The following ANKS1B variants were observed in gnomAD, a reference collection of about 807,000 sequenced individuals.
ANKS1B encodes ankyrin repeat and sterile alpha motif domain containing 1B.
ANKS1B carries 36 observed loss-of-function variants against 148.3 expected under a neutral mutation model. The observed-to-expected ratio is 0.24, with a 90% confidence interval of 0.19 to 0.32. ANKS1B has a LOEUF of 0.32. Among genes scored for constraint, ANKS1B ranks in the 10% least tolerant of loss-of-function variants. The pLI is 1.00. For missense variants in ANKS1B, 1,157 were observed against 1,542.6 expected (o/e 0.75, Z 4.19); for synonymous variants, 542 against 560.8 (o/e 0.97, Z 0.47).
chr12:99,423,195 G>C (rs539209555), intron 11 of ANKS1B, among the ~76,000 whole-genome samples: 1 of 151,504 alleles, frequency 6.6e-6, no homozygotes, highest in African/African-American at 2.4e-5. Flanking sequence ...AAGAGATTGA[G>C]AACTATGAAT....
intron 25 of ANKS1B, among the ~76,000 whole-genome samples, chr12:98,768,885 G>A (rs1056384389): frequency 2.0e-5 from 3 of 151,530 alleles, no homozygotes; most frequent in African/African-American, 7.3e-5. Context: ...CTTCTGTAGG[G>A]GGGGCTCCAG....
intron 8 of ANKS1B, among the ~76,000 whole-genome samples, chr12:99,727,423 A>G (rs1274068600): frequency 6.6e-6 from 1 of 152,144 alleles, no homozygotes; most frequent in African/African-American, 2.4e-5. Context: ...CTAGGAATAC[A>G]GCTAACAAGG....
chr12:98,965,003 GATGC>G (rs1467575382), intron 17 of ANKS1B, among the ~76,000 whole-genome samples: 1 of 152,026 alleles, frequency 6.6e-6, no homozygotes, highest in Admixed American at 6.5e-5. Flanking sequence ...TACTTGAGGT[GATGC>G]ATACCCATTT....
intron 1 of ANKS1B, among the ~76,000 whole-genome samples, chr12:99,961,689 A>G (rs1028151171): frequency 2.0e-5 from 3 of 152,236 alleles, no homozygotes; most frequent in African/African-American, 7.2e-5. Flanking sequence ...AACTCCTTTC[A>G]TCAGTGAGAT....
At chr12:98,901,597 T>C (rs1403088004) in intron 17 of ANKS1B, among the ~76,000 whole-genome samples, 2 of 152,232 alleles carry the variant, frequency 1.3e-5, no homozygotes, top group Non-Finnish European at 2.9e-5. Flanking sequence ...CCTCCCAATA[T>C]GTAGAGAGCA....
intron 10 of ANKS1B, among the ~76,000 whole-genome samples, chr12:99,480,683 TTAA>T (rs966004069): frequency 6.6e-6 from 1 of 151,882 alleles, no homozygotes; most frequent in East Asian, 1.9e-4. Flanking sequence ...AAACATGTTC[TTAA>T]TAAGTTACAT....
intron 15 of ANKS1B, among the ~76,000 whole-genome samples, chr12:99,113,952 G>A (rs17029077): frequency 6.6e-6 from 1 of 152,018 alleles, no homozygotes; most frequent in Non-Finnish European, 1.5e-5. Flanking sequence ...ATATACTCTA[G>A]GTTTTAGCTT....
At chr12:99,816,616 T>C (rs1269725719) in intron 2 of ANKS1B, among the ~76,000 whole-genome samples, 1 of 151,796 alleles carries the variant, frequency 6.6e-6, no homozygotes, top group African/African-American at 2.4e-5. Flanking sequence ...AGCTAATGAA[T>C]TGGTTGAGCT....
chr12:99,531,347 T>C (rs569327103), intron 9 of ANKS1B, among the ~76,000 whole-genome samples: 1 of 152,238 alleles, frequency 6.6e-6, no homozygotes, highest in Non-Finnish European at 1.5e-5. Flanking sequence ...CATGGATAAA[T>C]TATAGGAACC....
chr12:98,914,255 T>C (rs1056150565), intron 17 of ANKS1B, among the ~76,000 whole-genome samples: 1 of 152,072 alleles, frequency 6.6e-6, no homozygotes, highest in Non-Finnish European at 1.5e-5. Flanking sequence ...CCTTGTCACC[T>C]TTTCAGCCAT....
At chr12:99,149,051 C>A (rs923430040) in intron 15 of ANKS1B, among the ~76,000 whole-genome samples, 2 of 150,846 alleles carry the variant, frequency 1.3e-5, no homozygotes, top group Non-Finnish European at 2.9e-5. Context: ...AATATTGGAA[C>A]AAGAAATTAT....
intron 17 of ANKS1B, among the ~76,000 whole-genome samples, chr12:98,877,931 G>A (rs1009589717): frequency 1.4e-4 from 22 of 152,058 alleles, no homozygotes; most frequent in Non-Finnish European, 8.8e-5. Flanking sequence ...GTGGAAACAC[G>A]AAGGATGTGC....
rs115070224 is a variant in ANKS1B at position 99,954,503 on chromosome 12, T to C, written c.134+29601A>G. On this transcript the variant is annotated intron_variant, in intron 1 of 26. Transcript: ENST00000683438. ...AAAGGCTGCTGAATCTTAGAATTTA[T>C]TTATCTCTACCAATGACCAATTGTT... is the stretch of plus-strand genomic sequence containing the variant. Among the ~76,000 whole-genome samples the C allele has an allele frequency of 7.7e-3, 1,179 of 152,364 alleles. 16 individuals are homozygous for C. Among genetic ancestry groups the C allele is most frequent in the South Asian group, 0.028 (135 of 4,828 alleles).
rs75850279 is a variant in ANKS1B at position 99,760,303 on chromosome 12, A to G, written c.1128+12619T>C. 5.0e-3 allele frequency among the ~76,000 whole-genome samples: 757 copies of G among 152,048 alleles called. 10 individuals are homozygous for G. The highest frequency in any genetic ancestry group is 0.017 in the African/African-American group (723 of 41,544). The stretch of plus-strand genomic sequence containing the variant: ...ATGCTCAGCCATAAAGCGAGTCTCA[A>G]TAAATTCAAAAAAATCAAAACCATA... On this transcript the variant is annotated intron_variant, in intron 8 of 26. Coordinates refer to ENST00000683438, the MANE Select transcript of ANKS1B (RefSeq NM_001352186.2).
At chr12:99,126,611 C>T (rs1394002431) in intron 15 of ANKS1B, among the ~76,000 whole-genome samples, 1 of 152,042 alleles carries the variant, frequency 6.6e-6, no homozygotes, top group African/African-American at 2.4e-5. Context: ...TGTCACAAAG[C>T]AGGGGAAGGG....
intron 19 of ANKS1B, among the ~76,000 whole-genome samples, chr12:98,823,786 C>CT (rs1217205365): frequency 2.6e-5 from 4 of 152,248 alleles, no homozygotes; most frequent in Non-Finnish European, 4.4e-5. Context: ...GCCACGGTGC[C>CT]TGGCCAAAAA....
rs1191033229 is a variant in ANKS1B, at chr12:98,751,436, G to A, written c.3666C>T (p.His1222=). Residue 1222 remains histidine, a synonymous_variant, in exon 26 of 27, where the codon CAC becomes CAT. Coordinates refer to ENST00000683438, the MANE Select transcript of ANKS1B (RefSeq NM_001352186.2). The surrounding 1 kb of genome is among the most constrained non-coding windows in gnomAD (Gnocchi z 4.3). ...CAAAGCTTTCTGGAAGTGTGGAGGA[G>A]TGTCCCCCTTTTCTTGCTTGTAGTG... is the stretch of plus-strand genomic sequence containing the variant. The part of the protein sequence containing the change: ...QLALQARKGG[H]SSTLPESFEN... The A allele has an allele frequency of 6.2e-6, 10 of 1,613,922 alleles. No homozygotes were observed. Among genetic ancestry groups the A allele is most frequent in the Non-Finnish European group, 7.6e-6 (9 of 1,179,908 alleles).
chr12:99,674,513 C>G (rs1324155920), intron 8 of ANKS1B, among the ~76,000 whole-genome samples: 3 of 151,806 alleles, frequency 2.0e-5, no homozygotes, highest in African/African-American at 7.2e-5. Flanking sequence ...CACTACAGGA[C>G]TTGTGCAAGA....
At chr12:99,140,493 A>C (rs1230971532) in intron 15 of ANKS1B, among the ~76,000 whole-genome samples, 1 of 152,164 alleles carries the variant, frequency 6.6e-6, no homozygotes, top group Non-Finnish European at 1.5e-5. Flanking sequence ...CAGTAATTCT[A>C]ACATTGTTTG....
Sources: gnomAD v4.1 joint callset for allele counts (sites outside exome capture counted in the v4.1 genomes callset) on GRCh38, gnomAD v4.1.1 for gene constraint, Gnocchi (gnomAD v3.1) non-coding constraint, MANE v1.5 for transcripts, NCBI Gene and HGNC (gene_info 2026-07-23, HGNC 2026-07-21) for gene names.